DLGAP2: variants seen among roughly 807,000 people sequenced by gnomAD.
DLGAP2 encodes disks large-associated protein 2.
Under a neutral mutation model 100.3 loss-of-function variants are expected in DLGAP2, and 26 were observed. That is an observed-to-expected ratio of 0.26 (90% CI 0.19 to 0.36). DLGAP2 has a LOEUF of 0.36. Among genes scored for constraint, DLGAP2 ranks in the 10% least tolerant of loss-of-function variants. DLGAP2 has a pLI of 1.00. For synonymous variants in DLGAP2, 886 were observed against 630.1 expected, an observed-to-expected ratio of 1.41 and a Z score of -6.08; for missense variants, 1,858 against 1,453.2, an observed-to-expected ratio of 1.28 and a Z score of -4.53.
intron 1 of DLGAP2, among the ~76,000 whole-genome samples, chr8:903,889 C>G (rs887065702): frequency 6.6e-6 from 1 of 152,228 alleles, no homozygotes; most frequent in African/African-American, 2.4e-5. Context: ...GAACACTTCC[C>G]CAGCTCAGAC....
intron 1 of DLGAP2, among the ~76,000 whole-genome samples, chr8:772,380 T>C (rs1821386496): frequency 1.3e-5 from 2 of 152,216 alleles, no homozygotes; most frequent in African/African-American, 2.4e-5. Flanking sequence ...TGGAGTGCAG[T>C]GGCATGATCT....
At chr8:940,969 G>T (rs1422235679) in intron 2 of DLGAP2, among the ~76,000 whole-genome samples, 1 of 152,084 alleles carries the variant, frequency 6.6e-6, no homozygotes, top group Non-Finnish European at 1.5e-5. Flanking sequence ...GGAGCAGCGG[G>T]GTCACAGTTC....
chr8:1,577,327 G>A (rs1803022463), intron 6 of DLGAP2, among the ~76,000 whole-genome samples: 1 of 152,162 alleles, frequency 6.6e-6, no homozygotes, highest in African/African-American at 2.4e-5. Flanking sequence ...CCAGCACTTT[G>A]GGAGGCCAAG....
intron 2 of DLGAP2, among the ~76,000 whole-genome samples, chr8:1,251,496 G>C (rs1799039551): frequency 6.6e-6 from 1 of 152,192 alleles, no homozygotes; most frequent in South Asian, 2.1e-4. Context: ...GGAGTGCACT[G>C]GTGTATTTTG....
chr8:1,540,223 G>A (rs192014646), intron 4 of DLGAP2, among the ~76,000 whole-genome samples: 5 of 152,322 alleles, frequency 3.3e-5, no homozygotes, highest in East Asian at 1.9e-4. Context: ...GTAAAGGCCC[G>A]AAACATGGGG....
intron 2 of DLGAP2, chr8:1,137,650 C>T (rs1476461163): frequency 1.3e-5 from 2 of 152,200 alleles, no homozygotes; most frequent in East Asian, 1.9e-4. Flanking sequence ...CTTTCTATAA[C>T]GATTGGTATC....
intron 2 of DLGAP2, among the ~76,000 whole-genome samples, chr8:1,163,554 C>G (rs571784905): frequency 6.6e-6 from 1 of 152,354 alleles, no homozygotes; most frequent in African/African-American, 2.4e-5. Context: ...CGAGTGTGAG[C>G]AAGGTGCTTT....
intron 1 of DLGAP2, among the ~76,000 whole-genome samples, chr8:850,925 T>C (rs2128987625): frequency 6.6e-6 from 1 of 152,300 alleles, no homozygotes; most frequent in Admixed American, 6.5e-5. Flanking sequence ...CTGTTTTCAC[T>C]TTTGAAATAG....
At chr8:938,951 T>C (rs1799134272) in intron 2 of DLGAP2, among the ~76,000 whole-genome samples, 1 of 152,204 alleles carries the variant, frequency 6.6e-6, no homozygotes, top group South Asian at 2.1e-4. Flanking sequence ...GCATCTGTGC[T>C]AAGGAGGCTG....
intron 4 of DLGAP2, among the ~76,000 whole-genome samples, chr8:1,508,737 C>T (rs908668120): frequency 4.0e-5 from 6 of 150,702 alleles, no homozygotes; most frequent in Non-Finnish European, 5.9e-5. Flanking sequence ...GAACCCAGTG[C>T]CCGCAGGAGG....
intron 3 of DLGAP2, among the ~76,000 whole-genome samples, chr8:1,280,503 G>A (rs1003058501): frequency 6.6e-6 from 1 of 152,220 alleles, no homozygotes; most frequent in Admixed American, 6.5e-5. Context: ...TTAGGAAAAG[G>A]TAATAGTTTG....
intron 2 of DLGAP2, among the ~76,000 whole-genome samples, chr8:1,141,764 C>T (rs1796526031): frequency 6.6e-6 from 1 of 151,962 alleles, no homozygotes; most frequent in African/African-American, 2.4e-5. Flanking sequence ...GAGTAAAGTG[C>T]TTAACATATA....
chr8:1,509,585 A>C (rs918134872), intron 4 of DLGAP2, among the ~76,000 whole-genome samples: 5 of 152,076 alleles, frequency 3.3e-5, no homozygotes, highest in South Asian at 4.2e-4. Flanking sequence ...TGAAACAGGA[A>C]GCAGTGCGTG....
intron 1 of DLGAP2, among the ~76,000 whole-genome samples, chr8:819,657 T>C (rs1373966836): frequency 1.3e-5 from 2 of 152,308 alleles, no homozygotes; most frequent in African/African-American, 4.8e-5. Flanking sequence ...GTACTGTGCA[T>C]GACAGAGTAG....
intron 3 of DLGAP2, among the ~76,000 whole-genome samples, chr8:1,474,087 G>T (rs990148872): frequency 2.0e-5 from 3 of 151,864 alleles, no homozygotes; most frequent in Admixed American, 1.3e-4. Flanking sequence ...TTACGCCTTT[G>T]CATCCTCATC....
chr8:1,445,264 G>C (rs1202429344), intron 3 of DLGAP2, among the ~76,000 whole-genome samples: 1 of 105,596 alleles, frequency 9.5e-6, no homozygotes, highest in Non-Finnish European at 1.7e-5. Flanking sequence ...ACAGTCCCCA[G>C]AGTGTGATGT....
At chr8:1,445,405 C>T (rs2130085814) in intron 3 of DLGAP2, among the ~76,000 whole-genome samples, 1 of 151,984 alleles carries the variant, frequency 6.6e-6, no homozygotes, top group Non-Finnish European at 1.5e-5. Flanking sequence ...CATGTCCCTA[C>T]AAAGGACATG....
chr8:1,337,426 G>A (rs370088323), intron 3 of DLGAP2, among the ~76,000 whole-genome samples: 1 of 26,236 alleles, frequency 3.8e-5, no homozygotes, highest in Non-Finnish European at 1.4e-4. Flanking sequence ...GAGGATGATG[G>A]TGATGGTGAT....
At chr8:879,535 C>T (rs1174758320) in intron 1 of DLGAP2, among the ~76,000 whole-genome samples, 2 of 152,166 alleles carry the variant, frequency 1.3e-5, no homozygotes, top group African/African-American at 4.8e-5. Flanking sequence ...CCATCTGACC[C>T]ACGATCTAGT....
Sources: gnomAD v4.1 joint callset for allele counts (sites outside exome capture counted in the v4.1 genomes callset) on GRCh38, gnomAD v4.1.1 for gene constraint, MANE v1.5 for transcripts, NCBI Gene and HGNC (gene_info 2026-07-23, HGNC 2026-07-21) for gene names.